The following LARP1B variants were observed in gnomAD, a reference collection of about 807,000 sequenced individuals.
The protein encoded by LARP1B is la-related protein 1B.
Under a neutral mutation model 114.2 loss-of-function variants are expected in LARP1B, and 76 were observed. That is an observed-to-expected ratio of 0.67 (90% CI 0.55 to 0.81). The LOEUF (loss-of-function observed/expected upper bound fraction) is 0.81, where lower values mean the gene tolerates loss of function less well. Among genes scored for constraint, LARP1B ranks in the 30% least tolerant of loss-of-function variants. The pLI is 0.00. For missense variants in LARP1B, 1,014 were observed against 1,075.8 expected, an observed-to-expected ratio of 0.94 and a Z score of 0.80; for synonymous variants, 345 against 348.0, an observed-to-expected ratio of 0.99 and a Z score of 0.10.
chr4:128,172,957 G>GTGTGTGTGTGTGTGTGTGTGTGTGTGTA (rs1744439852), intron 12 of LARP1B, among the ~76,000 whole-genome samples: 1 of 151,548 alleles, frequency 6.6e-6, no homozygotes, highest in African/African-American at 2.4e-5. Context: ...GTGTGTGTGT[G>GTGTGTGTGTGTGTGTGTGTGTGTGTGTA]TGTGTGTGTG....
At chr4:128,122,619 T>G in intron 11 of LARP1B, 1 of 1,467,072 alleles carries the variant, frequency 6.8e-7, no homozygotes, top group South Asian at 1.4e-5. Flanking sequence ...AGCACTCTTC[T>G]TGCCTCTTTC....
At chr4:128,100,038 C>T (rs1317377652) in intron 8 of LARP1B, among the ~76,000 whole-genome samples, 2 of 152,094 alleles carry the variant, frequency 1.3e-5, no homozygotes, top group Non-Finnish European at 2.9e-5. Context: ...TGGCTCACTG[C>T]AACCTCCACC....
intron 10 of LARP1B, among the ~76,000 whole-genome samples, chr4:128,119,523 T>C (rs1416453039): frequency 6.6e-6 from 1 of 152,184 alleles, no homozygotes. Context: ...AGTTTTATAT[T>C]CTGAGATAAA....
intron 11 of LARP1B, among the ~76,000 whole-genome samples, chr4:128,139,458 T>C (rs1237027365): frequency 6.6e-6 from 1 of 152,024 alleles, no homozygotes. Flanking sequence ...ACAGCTGCGA[T>C]GTAGTGTGCA....
At chr4:128,117,131 T>C (rs921395363) in intron 10 of LARP1B, among the ~76,000 whole-genome samples, 2 of 152,078 alleles carry the variant, frequency 1.3e-5, no homozygotes, top group Non-Finnish European at 2.9e-5. Context: ...CAGGATCTCC[T>C]GACCTCCTGA....
chr4:128,119,361 C>T (rs1787133866), intron 10 of LARP1B, among the ~76,000 whole-genome samples: 1 of 152,136 alleles, frequency 6.6e-6, no homozygotes, highest in Admixed American at 6.6e-5. Context: ...TTCTTTTCCT[C>T]CCCCCAGCTC....
intron 8 of LARP1B, among the ~76,000 whole-genome samples, chr4:128,106,089 T>A (rs1363715358): frequency 6.6e-6 from 1 of 151,750 alleles, no homozygotes; most frequent in Non-Finnish European, 1.5e-5. Context: ...AGTGGCGCCA[T>A]CTCGGCTCAC....
chr4:128,142,182 ATG>A (rs1728355264), intron 11 of LARP1B, among the ~76,000 whole-genome samples: 1 of 152,204 alleles, frequency 6.6e-6, no homozygotes, highest in Non-Finnish European at 1.5e-5. Context: ...GCAGTCAACT[ATG>A]TGCAAGTTCC....
At position 128,104,920 on chromosome 4, in the gene LARP1B, T is replaced by C. The variant is rs565934077; in HGVS notation, c.814-2219T>C. Among the ~76,000 whole-genome samples, 222 of 152,334 alleles carry C rather than the reference T, an allele frequency of 1.5e-3. 2 individuals are homozygous for C. Among genetic ancestry groups the C allele is most frequent in the African/African-American group, 5.1e-3 (210 of 41,578 alleles). ...ATGTGTGATTACCTTTTGTAGATAC[T>C]GCTAAGCATTTTTTTAAAGTATCAA... On this transcript the variant is annotated intron_variant, in intron 8 of 19. Coordinates refer to ENST00000326639, the MANE Select transcript of LARP1B (RefSeq NM_018078.4).
At position 128,210,132 on chromosome 4, in the gene LARP1B, T is replaced by C. The variant is rs1578811372; in HGVS notation, c.*79T>C. On this transcript the variant is annotated 3_prime_UTR_variant, in exon 20 of 20. Coordinates refer to ENST00000326639, the MANE Select transcript of LARP1B (RefSeq NM_018078.4). Reference sequence around the variant, plus strand: ...AGACTCTTATGAAAGTTCTTTGTCCTTGAAGTCAACATTTACATCAGTATT... The same window carrying C: ...AGACTCTTATGAAAGTTCTTTGTCCCTGAAGTCAACATTTACATCAGTATT... 11 of 1,595,520 alleles carry C rather than the reference T, an allele frequency of 6.9e-6. No homozygotes were observed. In the East Asian group the frequency reaches 2.0e-4, roughly 29 times the overall value.
chr4:128,153,329 A>G (rs958585366), intron 11 of LARP1B, among the ~76,000 whole-genome samples: 17 of 108,604 alleles, frequency 1.6e-4, no homozygotes, highest in Middle Eastern at 5.3e-3. Flanking sequence ...TTATTTATTT[A>G]TTTATGAGAC....
At chr4:128,100,983 A>G (rs1417691319) in intron 8 of LARP1B, among the ~76,000 whole-genome samples, 2 of 150,162 alleles carry the variant, frequency 1.3e-5, no homozygotes, top group Non-Finnish European at 3.0e-5. Context: ...ATGCCTGGCT[A>G]ATTTTTGTAT....
chr4:128,082,804 C>CTTTTTTTTT (rs33973592), intron 5 of LARP1B, among the ~76,000 whole-genome samples: 1 of 141,316 alleles, frequency 7.1e-6, no homozygotes. Context: ...TCATTTTCTT[C>CTTTTTTTTT]TTTTTTTTTT....
chr4:128,096,243 T>A (rs562454130), intron 7 of LARP1B, among the ~76,000 whole-genome samples: 63 of 152,290 alleles, frequency 4.1e-4, no homozygotes, highest in South Asian at 1.9e-3. Flanking sequence ...TCCGCCCGCC[T>A]CGGCCTCCCA....
chr4:128,115,036 C>T (rs1785326188), intron 10 of LARP1B, among the ~76,000 whole-genome samples: 1 of 151,878 alleles, frequency 6.6e-6, no homozygotes, highest in South Asian at 2.1e-4. Context: ...CTCCCAGGTT[C>T]AAGCGATTCT....
At chr4:128,160,557 G>A (rs1346022468) in intron 11 of LARP1B, among the ~76,000 whole-genome samples, 1 of 151,954 alleles carries the variant, frequency 6.6e-6, no homozygotes, top group Non-Finnish European at 1.5e-5. Context: ...ATACATTAAT[G>A]AATTAGTTAA....
intron 1 of LARP1B, among the ~76,000 whole-genome samples, chr4:128,063,855 T>G (rs1474045765): frequency 6.6e-6 from 1 of 152,156 alleles, no homozygotes; most frequent in Non-Finnish European, 1.5e-5. Flanking sequence ...TATATGCAAA[T>G]GACAGCTGTT....
chr4:128,091,597 TA>T, intron 7 of LARP1B, 85 bp downstream of exon 7: 2 of 1,104,428 alleles, frequency 1.8e-6, no homozygotes, highest in Non-Finnish European at 2.5e-6. Context: ...GAATATGCTA[TA>T]ATTTTTTTTT....
chr4:128,178,702 G>GAAACTA, intron 14 of LARP1B, 60 bp downstream of exon 14: 1 of 1,229,262 alleles, frequency 8.1e-7, no homozygotes, highest in Non-Finnish European at 1.2e-6. Context: ...ATTACAGAAT[G>GAAACTA]AAACGTTTTA....
Sources: gnomAD v4.1 joint callset for allele counts (sites outside exome capture counted in the v4.1 genomes callset) on GRCh38, gnomAD v4.1.1 for gene constraint, MANE v1.5 for transcripts, NCBI Gene and HGNC (gene_info 2026-07-23, HGNC 2026-07-21) for gene names.